Variants in LINGO2 observed in about 807,000 individuals in gnomAD.
LINGO2 encodes leucine-rich repeat and immunoglobulin-like domain-containing nogo receptor-interacting protein 2.
In LINGO2, 14 loss-of-function variants were observed where a neutral mutation model predicts 30.6. The ratio of observed to expected loss-of-function variants is 0.46; its 90% CI spans 0.30 to 0.72. The LOEUF (loss-of-function observed/expected upper bound fraction) is 0.72. Among genes scored for constraint, LINGO2 ranks in the 30% least tolerant of loss-of-function variants. LINGO2 has a pLI of 0.07. For missense variants in LINGO2, 729 were observed against 751.7 expected, an observed-to-expected ratio of 0.97 and a Z score of 0.35; for synonymous variants, 317 against 288.5, an observed-to-expected ratio of 1.10 and a Z score of -1.00.
intron 4 of LINGO2, among the ~76,000 whole-genome samples, chr9:28,166,276 G>C (rs1828424028): frequency 6.6e-6 from 1 of 152,184 alleles, no homozygotes; most frequent in Non-Finnish European, 1.5e-5. Flanking sequence ...ATAAGTCATA[G>C]ATGGTAGAGC....
chr9:28,935,477 G>T, the LINGO2 span, among the ~76,000 whole-genome samples: 1 of 152,036 alleles, frequency 6.6e-6, no homozygotes. Context: ...TTAAGGCAAT[G>T]TAATGAATGT....
At chr9:28,423,867 A>C (rs577626170) in intron 2 of LINGO2, among the ~76,000 whole-genome samples, 9 of 152,212 alleles carry the variant, frequency 5.9e-5, no homozygotes, top group East Asian at 3.9e-4. Context: ...GAGTGTTTTA[A>C]AATTATTATC....
At chr9:28,900,625 A>G in the LINGO2 span, among the ~76,000 whole-genome samples, 1 of 152,222 alleles carries the variant, frequency 6.6e-6, no homozygotes, top group African/African-American at 2.4e-5. Flanking sequence ...AAGTCCATCT[A>G]TGAATCATGG....
chr9:28,139,945 C>A (rs1827626683), intron 4 of LINGO2, among the ~76,000 whole-genome samples: 1 of 152,174 alleles, frequency 6.6e-6, no homozygotes, highest in Non-Finnish European at 1.5e-5. Context: ...ATTCACCTCA[C>A]CTTACAAGCA....
At chr9:29,123,893 A>C in the LINGO2 span, among the ~76,000 whole-genome samples, 1 of 152,134 alleles carries the variant, frequency 6.6e-6, no homozygotes, top group African/African-American at 2.4e-5. Context: ...TTCTTGCTTA[A>C]GAAAAGAATA....
Position 27,950,365 on chromosome 9 carries a change from T to G in LINGO2, c.307A>C (p.Asn103His), listed in dbSNP as rs369281962. The G allele has an allele frequency of 6.2e-6, 10 of 1,614,036 alleles. No homozygotes were observed. The African/African-American group carries it at 1.3e-4, about 22-fold the overall frequency. ...CGGAGGGAACGCAGGTTAAAGAGAT[T>G]GTTGAATGCTCCTGGTTCCACATTG... is the stretch of plus-strand genomic sequence containing the variant. Residue 103 changes from asparagine to histidine, a missense_variant, in exon 6 of 6, where the codon AAT becomes CAT. By Grantham distance (68) the Asn-to-His change is moderately conservative. Coordinates refer to ENST00000379992, the Ensembl canonical transcript of LINGO2.
intron 4 of LINGO2, among the ~76,000 whole-genome samples, chr9:28,241,455 G>C (rs897199453): frequency 6.6e-6 from 1 of 152,070 alleles, no homozygotes; most frequent in African/African-American, 2.4e-5. Context: ...CTAGGCGGCA[G>C]GTATGACCCA....
At chr9:28,538,472 A>G (rs1420357408) in intron 1 of LINGO2, among the ~76,000 whole-genome samples, 2 of 152,120 alleles carry the variant, frequency 1.3e-5, no homozygotes, top group African/African-American at 4.8e-5. Context: ...GTCAAAGTAT[A>G]AAAATAGAAT....
the LINGO2 span, among the ~76,000 whole-genome samples, chr9:29,055,947 T>TATATATAA: frequency 6.7e-6 from 1 of 149,290 alleles, no homozygotes; most frequent in Non-Finnish European, 1.5e-5. Flanking sequence ...TGTGTATATA[T>TATATATAA]ACATATATAT....
the LINGO2 span, among the ~76,000 whole-genome samples, chr9:28,879,798 T>C: frequency 6.6e-6 from 1 of 152,042 alleles, no homozygotes; most frequent in African/African-American, 2.4e-5. Context: ...TGGGAATTTC[T>C]GAGGAAAATA....
At chr9:28,241,463 C>T (rs1006709988) in intron 4 of LINGO2, among the ~76,000 whole-genome samples, 1 of 151,858 alleles carries the variant, frequency 6.6e-6, no homozygotes, top group Non-Finnish European at 1.5e-5. Flanking sequence ...CAGGTATGAC[C>T]CACAGTGAGG....
intron 4 of LINGO2, among the ~76,000 whole-genome samples, chr9:28,140,705 T>C (rs926574937): frequency 1.3e-5 from 2 of 152,154 alleles, no homozygotes; most frequent in African/African-American, 4.8e-5. Context: ...CCCATGGCAT[T>C]TTGTACACTC....
intron 3 of LINGO2, among the ~76,000 whole-genome samples, chr9:28,309,908 A>T (rs1295095426): frequency 6.6e-6 from 1 of 152,122 alleles, no homozygotes; most frequent in Non-Finnish European, 1.5e-5. Flanking sequence ...ACATGAAATG[A>T]TGCTCAATGT....
chr9:28,927,983 A>G, the LINGO2 span, among the ~76,000 whole-genome samples: 2 of 152,210 alleles, frequency 1.3e-5, no homozygotes, highest in African/African-American at 2.4e-5. Flanking sequence ...TAAATTAACA[A>G]CTGTTTGTTA....
At chr9:28,661,026 T>A (rs541099515) in intron 1 of LINGO2, among the ~76,000 whole-genome samples, 2 of 152,238 alleles carry the variant, frequency 1.3e-5, no homozygotes, top group South Asian at 4.1e-4. Context: ...TCCCAATTTC[T>A]CACCACTGCC....
the LINGO2 span, among the ~76,000 whole-genome samples, chr9:28,791,684 TAAAC>T: frequency 4.6e-5 from 7 of 152,128 alleles, no homozygotes; most frequent in East Asian, 1.4e-3. Flanking sequence ...TCTGAATTAA[TAAAC>T]AATCTAGACT....
At chr9:28,648,696 A>C (rs1227180744) in intron 1 of LINGO2, among the ~76,000 whole-genome samples, 1 of 152,188 alleles carries the variant, frequency 6.6e-6, no homozygotes, top group Non-Finnish European at 1.5e-5. Flanking sequence ...TGACTTCACA[A>C]GTCTTAGTAC....
intron 4 of LINGO2, among the ~76,000 whole-genome samples, chr9:28,185,768 G>GA (rs1432419882): frequency 2.0e-5 from 3 of 152,080 alleles, no homozygotes; most frequent in Non-Finnish European, 2.9e-5. Flanking sequence ...GAATGATATG[G>GA]AAAAATTTTT....
chr9:28,875,818 T>C, the LINGO2 span, among the ~76,000 whole-genome samples: 1 of 152,150 alleles, frequency 6.6e-6, no homozygotes, highest in Non-Finnish European at 1.5e-5. Context: ...TGAATGTGTG[T>C]GTTTTAACAT....
Sources: gnomAD v4.1 joint callset for allele counts (sites outside exome capture counted in the v4.1 genomes callset) on GRCh38, gnomAD v4.1.1 for gene constraint, MANE v1.5 for transcripts, NCBI Gene and HGNC (gene_info 2026-07-23, HGNC 2026-07-21) for gene names.